DDX54: variants seen among roughly 807,000 people sequenced by gnomAD.
DDX54 encodes the protein DEAD-box helicase 54.
Under a neutral mutation model 105.5 loss-of-function variants are expected in DDX54, and 67 were observed. The observed-to-expected ratio is 0.64, with a 90% CI of 0.52 to 0.78. The LOEUF is 0.78. DDX54 is among the 30% of genes least tolerant of loss of function. The pLI is 0.00. For missense variants in DDX54, 1,206 were observed against 1,230.5 expected (o/e 0.98, Z 0.30); for synonymous variants, 514 against 509.9 (o/e 1.01, Z -0.11).
chr12:113,170,030 C>T lies in DDX54; in HGVS notation c.1280-126G>A. 3 of 1,306,018 alleles carry T rather than the reference C, an allele frequency of 2.3e-6. No individual in the cohort carries two copies. The South Asian group carries it at 4.4e-5, about 19-fold the overall frequency. The allele number at this position is 1,306,018 out of a possible 1,614,324, so 80.9% of individuals were successfully genotyped here. A position where few individuals can be genotyped will look rare whatever the true frequency, so the allele number is the denominator to read the frequency against. On this transcript the variant is annotated intron_variant, in intron 11 of 19. Coordinates refer to ENST00000306014, the MANE Select transcript of DDX54 (RefSeq NM_024072.4). ...TCGAACCTCACACGGCTGCTGTCCCCACCTACGCACAGGGAAGTTTAATCC... is the reference window on the plus strand; with the variant it reads ...TCGAACCTCACACGGCTGCTGTCCCTACCTACGCACAGGGAAGTTTAATCC...
intron 2 of DDX54, 42 bp from the exon 3 acceptor site, chr12:113,180,047 C>T: frequency 6.3e-7 from 1 of 1,594,146 alleles, no homozygotes; most frequent in Non-Finnish European, 8.6e-7. Context: ...AGGGAGTCCC[C>T]ACAGCACCAA....
Position 113,174,887 on chromosome 12 carries a change from G to C in DDX54, c.924C>G (p.Asn308Lys), listed in dbSNP as rs757139137. The C allele has an allele frequency of 6.2e-7, 1 of 1,613,824 alleles. No individual in the cohort carries two copies. The highest frequency in any genetic ancestry group is 1.3e-5 in the African/African-American group (1 of 74,950). The change falls in exon 9 of 20, where the codon AAC (asparagine) becomes AAG (lysine). Residue 308 changes from asparagine to lysine, a missense_variant. Physicochemically the swap from Asn to Lys is moderately conservative, Grantham distance 94 (BLOSUM62 0). Coordinates refer to ENST00000306014, the MANE Select transcript of DDX54 (RefSeq NM_024072.4). Reference sequence around the variant, plus strand: ...GGTGCAGCCTCACCTTCAGCTGCTCGTTGAGCTTGGTATCCACGTCAAGCC... The same window carrying C: ...GGTGCAGCCTCACCTTCAGCTGCTCCTTGAGCTTGGTATCCACGTCAAGCC... ...LIRLDVDTKL[N>K]EQLKTSFFLV...
rs2136310949 is a variant in DDX54 at position 113,159,004 on chromosome 12, T to C, written c.2519A>G (p.His840Arg). The change falls in exon 20 of 20, where the codon CAC (histidine) becomes CGC (arginine). Residue 840 changes from histidine to arginine, a missense_variant. Transcript: ENST00000306014. ...LKQRRRAQKL[H>R]FLQRGGLKQL... ...CTTGAGGCCACCACGCTGCAGGAAG[T>C]GCAGCTTCTGGGCCCGGCGCCGCTG... is the stretch of plus-strand genomic sequence containing the variant. The C allele has an allele frequency of 6.2e-7, 1 of 1,611,796 alleles. No homozygotes were observed. The highest frequency in any genetic ancestry group is 8.5e-7 in the Non-Finnish European group (1 of 1,179,322).
Position 113,164,060 on chromosome 12 carries a change from C to T in DDX54, c.1938+7G>A. On this transcript the variant is annotated splice_region_variant and intron_variant, in intron 15 of 19. Transcript: ENST00000306014. Reference sequence around the variant, plus strand: ...CAGGTCCAGGGTCCCCAGGGTGGAACCTGTACCTCCACACTCTCTCCCGCC... The same window carrying T: ...CAGGTCCAGGGTCCCCAGGGTGGAATCTGTACCTCCACACTCTCTCCCGCC... 1.9e-6 allele frequency: 3 copies of T among 1,543,028 alleles called. No individual in the cohort carries two copies. Among genetic ancestry groups the T allele is most frequent in the East Asian group, 2.5e-5 (1 of 40,676 alleles).
In DDX54 at chr12:113,165,916, C is replaced by G; in HGVS notation, c.1531G>C (p.Val511Leu). 2 of 1,613,818 alleles carry G rather than the reference C, an allele frequency of 1.2e-6. No individual in the cohort carries two copies. The highest frequency in any genetic ancestry group is 1.7e-6 in the Non-Finnish European group (2 of 1,180,032). Residue 511 changes from valine (V) to leucine (L), a missense_variant, in exon 13 of 20, where the codon GTT becomes CTT. Around this residue, in one of 3 missense-constraint regions of DDX54, gnomAD observed 961 missense variants for 1,019.1 expected, o/e 0.94. Coordinates refer to ENST00000306014, the MANE Select transcript of DDX54 (RefSeq NM_024072.4). ...TACTGCTGCTGGGCGTTATCAGCAA[C>G]GCGGGCCAGGCCCCGTAGCTCCAGC... ...ASLELRGLAR[V>L]ADNAQQQYVR... is the part of the protein sequence containing the mutation.
At position 113,158,069 on chromosome 12, in the gene DDX54, G is replaced by A. The variant is rs898921505; in HGVS notation, c.*808C>T. On this transcript the variant is annotated 3_prime_UTR_variant, in exon 20 of 20. Transcript: ENST00000306014. The surrounding 1 kb of genome is among the most constrained non-coding windows in gnomAD (Gnocchi z 4.9). ...CTCCACTATGGACTCTGCCAGGTGA[G>A]GGGCCCAGCCTGAGAATCCAGCTGC... 5.1e-6 allele frequency: 1 copy of A among 196,794 alleles called. No homozygotes were observed. The highest frequency in any genetic ancestry group is 2.3e-5 in the African/African-American group (1 of 43,704). The allele number at this position is 196,794 out of a possible 1,614,324, so 12.2% of individuals were successfully genotyped here. A position where few individuals can be genotyped will look rare whatever the true frequency, so the allele number is the denominator to read the frequency against.
chr12:113,180,879 G>T lies in DDX54; in HGVS notation c.304+50C>A. ...AGTGATGGAGTGCAGAGGCGGGGTT[G>T]ACCTCCAGCTGCCACTCCCGCAGAG... On this transcript the variant is annotated intron_variant, in intron 2 of 19. Coordinates refer to ENST00000306014, the MANE Select transcript of DDX54 (RefSeq NM_024072.4). 3 of 1,609,160 alleles carry T rather than the reference G, an allele frequency of 1.9e-6. No individual in the cohort carries two copies. In the South Asian group the frequency reaches 3.3e-5, roughly 18 times the overall value.
At chr12:113,171,183 G>A (rs1952333868) in intron 11 of DDX54, among the ~76,000 whole-genome samples, 1 of 152,188 alleles carries the variant, frequency 6.6e-6, no homozygotes, top group Non-Finnish European at 1.5e-5. Context: ...AGGGGGAAGT[G>A]CACCCACCAC....
rs1952446490 is a variant in DDX54, at chr12:113,179,922, CCCCA to C, written c.375+9_375+12del. The C allele has an allele frequency of 1.2e-6, 2 of 1,614,070 alleles. No individual in the cohort carries two copies. The highest frequency in any genetic ancestry group is 1.7e-6 in the Non-Finnish European group (2 of 1,179,984). ...CTCCCTCGCCCTCACCCGTCGACCG[CCCCA>C]CCCCTCACCTTCCTCTGGATGGGTG... On this transcript the variant is annotated intron_variant, in intron 3 of 19. Transcript: ENST00000306014.
chr12:113,182,666 T>C (rs1952480082), intron 1 of DDX54, among the ~76,000 whole-genome samples: 3 of 150,722 alleles, frequency 2.0e-5, no homozygotes, highest in Admixed American at 2.0e-4. Flanking sequence ...CAAGCAATTC[T>C]CCTGCCTCAG....
At chr12:113,169,199 T>C (rs548218940) in intron 12 of DDX54, among the ~76,000 whole-genome samples, 1 of 152,086 alleles carries the variant, frequency 6.6e-6, no homozygotes, top group Non-Finnish European at 1.5e-5. Context: ...TGGGAAATCC[T>C]GAGTTTAAAA....
chr12:113,158,039 G>C lies in DDX54; in HGVS notation c.*838C>G, dbSNP rs1221597009. 1 of 244,838 alleles carries C rather than the reference G, an allele frequency of 4.1e-6. No homozygotes were observed. The highest frequency in any genetic ancestry group is 8.1e-6 in the Non-Finnish European group (1 of 124,012). 15.2% of individuals were successfully genotyped at this position (244,838 alleles called of 1,614,324 possible). A position where few individuals can be genotyped will look rare whatever the true frequency, so the allele number is the denominator to read the frequency against. Reference sequence around the variant, plus strand: ...CCATGCTAGATGAGAGATCACCAAGGCCCCCTCCACTATGGACTCTGCCAG... The same window carrying C: ...CCATGCTAGATGAGAGATCACCAAGCCCCCCTCCACTATGGACTCTGCCAG... On this transcript the variant is annotated 3_prime_UTR_variant, in exon 20 of 20. Coordinates refer to ENST00000306014, the MANE Select transcript of DDX54 (RefSeq NM_024072.4). The surrounding 1 kb of genome is among the most constrained non-coding windows in gnomAD (Gnocchi z 4.9).
rs573553617 is a variant in DDX54, at chr12:113,158,563, G to A, written c.*314C>T. On this transcript the variant is annotated 3_prime_UTR_variant, in exon 20 of 20. Transcript: ENST00000306014. This position sits in a 1 kb window ranked among gnomAD's most constrained non-coding sequence, Gnocchi z 4.9. ...CCCTGAGGCACTCAGGGCTCTGACCGGTGCAGCCATGACCTCTGAACCCAG... is the reference window on the plus strand; with the variant it reads ...CCCTGAGGCACTCAGGGCTCTGACCAGTGCAGCCATGACCTCTGAACCCAG... The A allele has an allele frequency of 6.2e-5, 19 of 307,134 alleles. No individual in the cohort carries two copies. Among genetic ancestry groups the A allele is most frequent in the South Asian group, 3.3e-4 (3 of 9,106 alleles). The allele number at this position is 307,134 out of a possible 1,614,324, so 19.0% of individuals were successfully genotyped here. A position where few individuals can be genotyped will look rare whatever the true frequency, so the allele number is the denominator to read the frequency against.
At chr12:113,170,040 C>G (rs1952318787) in intron 11 of DDX54, 136 bp from the exon 12 acceptor site, 3 of 1,262,838 alleles carry the variant, frequency 2.4e-6, no homozygotes, top group Admixed American at 5.2e-5. Context: ...CACCTACGCA[C>G]AGGGAAGTTT....
intron 19 of DDX54, among the ~76,000 whole-genome samples, chr12:113,160,340 C>T (rs1040835485): frequency 2.2e-4 from 33 of 152,182 alleles, no homozygotes; most frequent in African/African-American, 8.0e-4. Context: ...CCCAAACTCC[C>T]CTCTCCCCAG....
intron 5 of DDX54, 107 bp downstream of exon 5, chr12:113,178,870 A>G: frequency 1.4e-6 from 2 of 1,420,472 alleles, no homozygotes; most frequent in Non-Finnish European, 1.9e-6. Flanking sequence ...TGAGCACAGA[A>G]GCTGCTATTA....
chr12:113,176,656 CAG>C (rs2136323928), intron 7 of DDX54, among the ~76,000 whole-genome samples, 182 bp downstream of exon 7: 1 of 152,236 alleles, frequency 6.6e-6, no homozygotes, highest in South Asian at 2.1e-4. Context: ...AAATATTGGT[CAG>C]AGAGCCCCAG....
chr12:113,176,758 C>A (rs1288747462), intron 7 of DDX54, 82 bp downstream of exon 7: 6 of 1,477,602 alleles, frequency 4.1e-6, no homozygotes, highest in Non-Finnish European at 5.6e-6. Flanking sequence ...GCTCTCCTGG[C>A]AGAGCCTTCC....
rs769445178 is a variant in DDX54 at position 113,177,098 on chromosome 12, A to G, written c.615-5T>C. The G allele has an allele frequency of 3.7e-6, 6 of 1,613,990 alleles. No individual in the cohort carries two copies. In the Admixed American group the frequency reaches 8.3e-5, roughly 22 times the overall value. Reference sequence around the variant, plus strand: ...GCTGCAAACTGGTCTTCCATCCTAGAGAGGAGAGAAGGGGTTAGCTTGATA... The same window carrying G: ...GCTGCAAACTGGTCTTCCATCCTAGGGAGGAGAGAAGGGGTTAGCTTGATA... On this transcript the variant is annotated splice_region_variant and splice_polypyrimidine_tract_variant and intron_variant, in intron 5 of 19. Transcript: ENST00000306014.
Sources: allele counts gnomAD v4.1 joint callset (sites outside exome capture counted in the v4.1 genomes callset), GRCh38; gene constraint gnomAD v4.1.1; regional missense constraint gnomAD v4.1.1; non-coding constraint Gnocchi (gnomAD v3.1); transcripts MANE v1.5; gene names NCBI Gene and HGNC (gene_info 2026-07-23, HGNC 2026-07-21).